The following CACNA2D1 variants were observed in gnomAD, a reference collection of about 807,000 sequenced individuals.
CACNA2D1 encodes voltage-dependent calcium channel subunit alpha-2/delta-1.
CACNA2D1 carries 53 observed loss-of-function variants against 171.5 expected under a neutral mutation model. The ratio of observed to expected loss-of-function variants is 0.31; its 90% CI spans 0.25 to 0.39. CACNA2D1 has a LOEUF of 0.39. CACNA2D1 is among the 10% of genes least tolerant of loss of function. The probability of loss-of-function intolerance (pLI) is 1.00; values close to 1 mark genes in which losing one functional copy is unlikely to be tolerated. For synonymous variants in CACNA2D1, 442 were observed against 443.1 expected (o/e 1.00, Z 0.03); for missense variants, 903 against 1,299.8 (o/e 0.69, Z 4.69).
intron 38 of CACNA2D1, among the ~76,000 whole-genome samples, chr7:81,956,057 A>T (rs1241665964): frequency 7.3e-6 from 1 of 137,618 alleles, no homozygotes; most frequent in Non-Finnish European, 1.5e-5. Flanking sequence ...GCACAATCTC[A>T]GCTTACTGCA....
At chr7:82,380,362 GA>G (rs1211066452) in intron 1 of CACNA2D1, among the ~76,000 whole-genome samples, 1 of 151,920 alleles carries the variant, frequency 6.6e-6, no homozygotes, top group East Asian at 1.9e-4. Context: ...AGACATAGAG[GA>G]AAAAATCCTA....
At chr7:82,405,586 TAGA>T (rs945852572) in intron 1 of CACNA2D1, among the ~76,000 whole-genome samples, 5 of 152,186 alleles carry the variant, frequency 3.3e-5, no homozygotes, top group African/African-American at 1.2e-4. Context: ...CTGTGAAAGT[TAGA>T]AGGAGATTCC....
At chr7:82,074,234 T>C (rs909686413) in intron 7 of CACNA2D1, among the ~76,000 whole-genome samples, 2 of 152,250 alleles carry the variant, frequency 1.3e-5, no homozygotes, top group Admixed American at 6.5e-5. Flanking sequence ...TTTATTACTT[T>C]TTTATTTTTT....
rs145136299 is a variant in CACNA2D1, at chr7:82,356,461, C to T, written c.96-6812G>A. Among the ~76,000 whole-genome samples, 591 of 152,236 alleles carry T rather than the reference C, an allele frequency of 3.9e-3. 5 individuals carry two copies. Among genetic ancestry groups the T allele is most frequent in the Non-Finnish European group, 6.5e-3 (442 of 67,992 alleles). On this transcript the variant is annotated intron_variant, in intron 1 of 38. Coordinates refer to ENST00000356860, the MANE Select transcript of CACNA2D1 (RefSeq NM_000722.4). ...TCCCAAACTAAAAATATTCTCGTCTCTCCACTAAACTTCAAAAGTCCTTTA... is the reference window on the plus strand; with the variant it reads ...TCCCAAACTAAAAATATTCTCGTCTTTCCACTAAACTTCAAAAGTCCTTTA...
At chr7:81,954,122 C>T (rs1407663788) in intron 38 of CACNA2D1, among the ~76,000 whole-genome samples, 2 of 152,000 alleles carry the variant, frequency 1.3e-5, no homozygotes, top group Admixed American at 1.3e-4. Context: ...ACATTCTACA[C>T]AAATGCACTG....
At chr7:82,376,488 G>A (rs1322587847) in intron 1 of CACNA2D1, among the ~76,000 whole-genome samples, 2 of 152,130 alleles carry the variant, frequency 1.3e-5, no homozygotes, top group African/African-American at 4.8e-5. Flanking sequence ...TTTTCTCACA[G>A]TAAGTAAACA....
At chr7:82,146,147 T>A (rs1310227272) in intron 4 of CACNA2D1, among the ~76,000 whole-genome samples, 1 of 151,810 alleles carries the variant, frequency 6.6e-6, no homozygotes, top group Non-Finnish European at 1.5e-5. Context: ...TAGATCCATG[T>A]GTCTTTACTA....
chr7:82,003,543 T>C (rs917487177), intron 18 of CACNA2D1, among the ~76,000 whole-genome samples: 8 of 150,992 alleles, frequency 5.3e-5, no homozygotes, highest in African/African-American at 1.9e-4. Flanking sequence ...TTATTACTTC[T>C]CTTTCACTAT....
At chr7:82,341,708 A>G (rs1344191503) in intron 2 of CACNA2D1, among the ~76,000 whole-genome samples, 1 of 152,120 alleles carries the variant, frequency 6.6e-6, no homozygotes, top group African/African-American at 2.4e-5. Context: ...TTATGAAACT[A>G]TAGGTAATCA....
chr7:82,340,741 T>C lies in CACNA2D1; in HGVS notation c.178-5490A>G, dbSNP rs150416470. On this transcript the variant is annotated intron_variant, in intron 2 of 38. Coordinates refer to ENST00000356860, the MANE Select transcript of CACNA2D1 (RefSeq NM_000722.4). ...TTATTACCTTCACAATTGTGTGAGG[T>C]TCTAAGAAGAAAGATGACAGAAAAG... 1.2e-3 allele frequency among the ~76,000 whole-genome samples: 184 copies of C among 152,176 alleles called. 2 individuals are homozygous for C. Among genetic ancestry groups the C allele is most frequent in the African/African-American group, 4.0e-3 (165 of 41,522 alleles).
At chr7:82,161,383 C>G (rs893077580) in intron 4 of CACNA2D1, among the ~76,000 whole-genome samples, 1 of 151,786 alleles carries the variant, frequency 6.6e-6, no homozygotes, top group African/African-American at 2.4e-5. Flanking sequence ...TTGTGGATAC[C>G]AAAGAATAGT....
At chr7:82,293,946 C>T (rs577079324) in intron 3 of CACNA2D1, among the ~76,000 whole-genome samples, 7 of 152,068 alleles carry the variant, frequency 4.6e-5, no homozygotes, top group Non-Finnish European at 7.4e-5. Context: ...GCTCTTTCTG[C>T]TCTTAGAAGA....
chr7:81,991,370 G>A, intron 20 of CACNA2D1, 124 bp from the exon 21 acceptor site: 1 of 631,130 alleles, frequency 1.6e-6, no homozygotes. Flanking sequence ...ACAAAGGTAT[G>A]ATCTATTTTA....
intron 4 of CACNA2D1, among the ~76,000 whole-genome samples, chr7:82,158,298 A>T (rs1030634888): frequency 6.6e-6 from 1 of 151,912 alleles, no homozygotes; most frequent in African/African-American, 2.4e-5. Context: ...GTTCATATGT[A>T]TTCACTTTGC....
Position 81,948,100 on chromosome 7 carries a change from T to C in CACNA2D1, c.*2292A>G, listed in dbSNP as rs1045203136. On this transcript the variant is annotated 3_prime_UTR_variant, in exon 39 of 39. Transcript: ENST00000356860. ...ATTTAATAGATTTTGAACATAATTT[T>C]AAGGTAGTTTGTTGTATGCTGGAAG... is the stretch of plus-strand genomic sequence containing the variant. 2 of 152,012 alleles carry C rather than the reference T, an allele frequency of 1.3e-5. No individual in the cohort carries two copies. The highest frequency in any genetic ancestry group is 4.8e-5 in the African/African-American group (2 of 41,548). The allele number at this position is 152,012 out of a possible 1,614,324, so 9.4% of individuals were successfully genotyped here.
chr7:82,327,978 G>A (rs1156325), intron 3 of CACNA2D1, among the ~76,000 whole-genome samples: 107,590 of 151,836 alleles, frequency 0.71, 38,298 homozygotes, highest in East Asian at 0.8. Flanking sequence ...TTTTGTTCCC[G>A]GAGGGAAGCC....
chr7:81,995,798 CAAAA>C (rs59979323), intron 19 of CACNA2D1, among the ~76,000 whole-genome samples: 7 of 101,526 alleles, frequency 6.9e-5, no homozygotes, highest in Non-Finnish European at 8.5e-5. Flanking sequence ...GACTCCACCT[CAAAA>C]AAAAAAAAAA....
rs575971247 is a variant in CACNA2D1, at chr7:81,961,034, A to T, written c.2966+860T>A. The stretch of plus-strand genomic sequence containing the variant: ...TAGGTTGCTTAGCCCCTCTTGCAAA[A>T]TTTTTTTTTTTAACTATTCTGGCAC... On this transcript the variant is annotated intron_variant, in intron 36 of 38. Coordinates refer to ENST00000356860, the MANE Select transcript of CACNA2D1 (RefSeq NM_000722.4). Among the ~76,000 whole-genome samples, 29 of 148,984 alleles carry T rather than the reference A, an allele frequency of 1.9e-4. No homozygotes were observed. The South Asian group carries it at 3.2e-3, about 16-fold the overall frequency.
chr7:82,414,819 C>A (rs147499960), intron 1 of CACNA2D1, among the ~76,000 whole-genome samples: 3 of 152,296 alleles, frequency 2.0e-5, no homozygotes, highest in African/African-American at 7.2e-5. Flanking sequence ...GAAGTGGACA[C>A]CTCCGTAAAA....
Sources: allele counts gnomAD v4.1 joint callset (sites outside exome capture counted in the v4.1 genomes callset), GRCh38; gene constraint gnomAD v4.1.1; transcripts MANE v1.5; gene names NCBI Gene and HGNC (gene_info 2026-07-23, HGNC 2026-07-21).